The following USP18 variants were observed in gnomAD, a reference collection of about 807,000 sequenced individuals.
The protein encoded by USP18 is ubiquitin specific peptidase 18.
Under a neutral mutation model 48.7 loss-of-function variants are expected in USP18, and 11 were observed. The ratio of observed to expected loss-of-function variants is 0.23; its 90% CI spans 0.14 to 0.37. The LOEUF (loss-of-function observed/expected upper bound fraction) is 0.37. Ranked by LOEUF, USP18 falls within the 10% of genes least tolerant of loss-of-function variation. The probability of loss-of-function intolerance (pLI) is 1.00; values close to 1 mark genes in which losing one functional copy is unlikely to be tolerated. For synonymous variants in USP18, 114 were observed against 163.2 expected, an observed-to-expected ratio of 0.70 and a Z score of 2.30; for missense variants, 285 against 436.4, an observed-to-expected ratio of 0.65 and a Z score of 3.09.
chr22:18,156,542 C>T (rs369341694), intron 1 of USP18, among the ~76,000 whole-genome samples: 1 of 152,092 alleles, frequency 6.6e-6, no homozygotes, highest in Non-Finnish European at 1.5e-5. Flanking sequence ...CTAACAACTC[C>T]AGACGCGCTG....
intron 1 of USP18, among the ~76,000 whole-genome samples, chr22:18,154,428 CATTATT>C (rs1463301651): frequency 2.0e-5 from 3 of 152,002 alleles, no homozygotes; most frequent in African/African-American, 4.8e-5. Flanking sequence ...CGATGTTACC[CATTATT>C]ATTATTTTAT....
chr22:18,160,189 A>G lies in USP18; in HGVS notation c.175A>G (p.Asn59Asp). 1 of 1,614,158 alleles carries G rather than the reference A, an allele frequency of 6.2e-7. No homozygotes were observed. Among genetic ancestry groups the G allele is most frequent in the Middle Eastern group, 1.6e-4 (1 of 6,062 alleles). ...DYPHGLVGLH[N>D]IGQTCCLNSL... is the part of the protein sequence containing the mutation. ...CCTTATAGGCCTGGTTGGTTTACAC[A>G]ACATTGGACAGACCTGCTGCCTTAA... The change falls in exon 3 of 11, where the codon AAC (asparagine) becomes GAC (aspartate). Residue 59 changes from asparagine to aspartate, a missense_variant. By Grantham distance (23) the Asn-to-Asp change is conservative. This residue lies in a region of USP18 where 199 missense variants were observed against 239.6 expected (regional missense o/e 0.83). Coordinates refer to ENST00000215794, the MANE Select transcript of USP18 (RefSeq NM_017414.4).
chr22:18,165,054 T>G (rs1347273280), intron 4 of USP18, among the ~76,000 whole-genome samples: 1 of 145,624 alleles, frequency 6.9e-6, no homozygotes, highest in Non-Finnish European at 1.5e-5. Flanking sequence ...TCAGAGGGAG[T>G]TGATCTGTGT....
chr22:18,167,116 C>T (rs1929495673), intron 4 of USP18, 139 bp from the exon 5 acceptor site: 15 of 920,592 alleles, frequency 1.6e-5, no homozygotes, highest in South Asian at 1.7e-5. Flanking sequence ...CTTCTTCTGT[C>T]GTGCCAACTT....
chr22:18,160,984 G>A (rs931382793), intron 3 of USP18, among the ~76,000 whole-genome samples: 1 of 151,850 alleles, frequency 6.6e-6, no homozygotes, highest in African/African-American at 2.4e-5. Flanking sequence ...TGGCCAGGCT[G>A]GTCTCAATTT....
intron 1 of USP18, 94 bp from the exon 2 acceptor site, chr22:18,157,464 C>T (rs539645935): frequency 3.1e-6 from 2 of 652,294 alleles, no homozygotes; most frequent in African/African-American, 1.8e-5. Flanking sequence ...ACATTTATCT[C>T]CCTCTAAGAC....
intron 1 of USP18, among the ~76,000 whole-genome samples, chr22:18,156,190 G>T (rs554365823): frequency 9.2e-5 from 14 of 152,144 alleles, no homozygotes; most frequent in Admixed American, 6.5e-5. Context: ...GAGACGTTTT[G>T]TGTCTAGCTC....
At chr22:18,156,931 C>T (rs896889132) in intron 1 of USP18, among the ~76,000 whole-genome samples, 14 of 150,760 alleles carry the variant, frequency 9.3e-5, no homozygotes, top group African/African-American at 2.7e-4. Flanking sequence ...AACAGTGTCT[C>T]TCTTCACACA....
intron 4 of USP18, among the ~76,000 whole-genome samples, chr22:18,166,958 C>A (rs939167280): frequency 6.6e-6 from 1 of 151,810 alleles, no homozygotes; most frequent in South Asian, 2.1e-4. Context: ...AGGCTGGTCT[C>A]AAACTCCTGA....
Position 18,173,851 on chromosome 22 carries a change from C to G in USP18, c.1073+9C>G. 1.3e-6 allele frequency: 2 copies of G among 1,597,410 alleles called. No individual in the cohort carries two copies. Among genetic ancestry groups the G allele is most frequent in the Non-Finnish European group, 1.7e-6 (2 of 1,167,330 alleles). On this transcript the variant is annotated intron_variant, in intron 10 of 10. Coordinates refer to ENST00000215794, the MANE Select transcript of USP18 (RefSeq NM_017414.4). ...AATCCTAACTACCACTGGTAAGAAA[C>G]AGATTTGGGTAATTGGAGTCTGATG...
At chr22:18,152,232 A>C (rs1048231314) in intron 1 of USP18, among the ~76,000 whole-genome samples, 30 of 151,912 alleles carry the variant, frequency 2.0e-4, no homozygotes, top group African/African-American at 7.3e-4. Context: ...TAAATGTTGG[A>C]GTTGGCTTTC....
chr22:18,156,557 A>G (rs1929147165), intron 1 of USP18, among the ~76,000 whole-genome samples: 1 of 152,082 alleles, frequency 6.6e-6, no homozygotes, highest in Non-Finnish European at 1.5e-5. Flanking sequence ...GCGCTGCCTT[A>G]AGAGCTGTAA....
At chr22:18,168,728 T>C (rs970189103) in intron 6 of USP18, among the ~76,000 whole-genome samples, 1 of 152,080 alleles carries the variant, frequency 6.6e-6, no homozygotes, top group Non-Finnish European at 1.5e-5. Flanking sequence ...ACAGCCACAC[T>C]GGGGATTCAG....
chr22:18,152,237 G>A (rs2123724109), intron 1 of USP18, among the ~76,000 whole-genome samples: 1 of 152,200 alleles, frequency 6.6e-6, no homozygotes, highest in African/African-American at 2.4e-5. Context: ...GTTGGAGTTG[G>A]CTTTCCTGGC....
At chr22:18,167,570 A>T (rs2542105) in intron 5 of USP18, among the ~76,000 whole-genome samples, 1 of 151,330 alleles carries the variant, frequency 6.6e-6, no homozygotes, top group Admixed American at 6.6e-5. Context: ...TGGTGGCGGG[A>T]GCCTGTAGTC....
chr22:18,163,671 G>A (rs1929392334), intron 4 of USP18, among the ~76,000 whole-genome samples: 1 of 151,472 alleles, frequency 6.6e-6, no homozygotes, highest in Non-Finnish European at 1.5e-5. Flanking sequence ...AAAGAAAAAA[G>A]AAAAAAAGAA....
At position 18,167,331 on chromosome 22, in the gene USP18, C is replaced by T. The variant is rs760174417; in HGVS notation, c.477C>T (p.His159=). ...NLIKDQITDV[H]LVERLQALYT... ...TTAAGGACCAGATCACTGATGTGCA[C>T]TTGGTAAGAACCTAGAACCAGAGCA... The change falls in exon 5 of 11, where the codon CAC becomes CAT. Residue 159 remains histidine (H), a synonymous_variant. Coordinates refer to ENST00000215794, the MANE Select transcript of USP18 (RefSeq NM_017414.4). The T allele has an allele frequency of 6.2e-7, 1 of 1,613,832 alleles. No homozygotes were observed. Among genetic ancestry groups the T allele is most frequent in the East Asian group, 2.2e-5 (1 of 44,876 alleles).
intron 1 of USP18, among the ~76,000 whole-genome samples, chr22:18,156,758 T>G (rs913899741): frequency 6.6e-6 from 1 of 150,998 alleles, no homozygotes; most frequent in African/African-American, 2.4e-5. Context: ...CATCCGAACA[T>G]CAGAAGGAAT....
chr22:18,165,892 C>T (rs978331698), intron 4 of USP18, among the ~76,000 whole-genome samples: 16 of 151,408 alleles, frequency 1.1e-4, no homozygotes, highest in African/African-American at 3.9e-4. Flanking sequence ...CGCCATTGCT[C>T]ACTCCCCCCA....
Sources: allele counts gnomAD v4.1 joint callset (sites outside exome capture counted in the v4.1 genomes callset), GRCh38; gene constraint gnomAD v4.1.1; regional missense constraint gnomAD v4.1.1; transcripts MANE v1.5; gene names NCBI Gene and HGNC (gene_info 2026-07-23, HGNC 2026-07-21).